GRIP1: variants seen among roughly 807,000 people sequenced by gnomAD.
GRIP1 encodes the protein glutamate receptor interacting protein 1.
A neutral mutation model predicts 129.9 loss-of-function variants in GRIP1; 45 were observed. The ratio of observed to expected loss-of-function variants is 0.35; its 90% CI spans 0.27 to 0.44. GRIP1 has a LOEUF of 0.44. Among genes scored for constraint, GRIP1 ranks in the 20% least tolerant of loss-of-function variants. GRIP1 has a pLI of 1.00. For synonymous variants in GRIP1, 530 were observed against 520.8 expected, an observed-to-expected ratio of 1.02 and a Z score of -0.24; for missense variants, 1,196 against 1,396.8, an observed-to-expected ratio of 0.86 and a Z score of 2.29.
chr12:66,801,811 T>C (rs1414606658), intron 1 of GRIP1, among the ~76,000 whole-genome samples: 4 of 152,144 alleles, frequency 2.6e-5, no homozygotes, highest in South Asian at 2.1e-4. Flanking sequence ...GGTTCATCAA[T>C]AGCATCATTA....
Position 66,456,278 on chromosome 12 carries a change from A to AATTC in GRIP1, c.1106_1107insGAAT (p.His370AsnfsTer8). The AATTC allele has an allele frequency of 7.8e-7, 1 of 1,289,476 alleles. No homozygotes were observed. Among genetic ancestry groups the AATTC allele is most frequent in the Non-Finnish European group, 1.0e-6 (1 of 988,350 alleles). 79.9% of individuals were successfully genotyped at this position (1,289,476 alleles called of 1,614,324 possible). On this transcript the variant is annotated frameshift_variant, in exon 10 of 25. Coordinates refer to ENST00000359742, the MANE Select transcript of GRIP1 (RefSeq NM_001366722.1). LOFTEE classifies it high-confidence loss of function. ...ACGTGTTATAGTGATGGTTGGTGTG[A>AATTC]AGGCTGCTGTGGTTGCTGGCCCAGG...
chr12:66,741,126 T>G (rs573612629), intron 1 of GRIP1, among the ~76,000 whole-genome samples: 3 of 152,204 alleles, frequency 2.0e-5, no homozygotes, highest in Non-Finnish European at 4.4e-5. Context: ...ATGCAACATC[T>G]ACTCCTACTA....
chr12:66,552,008 G>A (rs1349192215), intron 2 of GRIP1, among the ~76,000 whole-genome samples: 2 of 152,138 alleles, frequency 1.3e-5, no homozygotes, highest in Non-Finnish European at 2.9e-5. Context: ...GCAGCTGGGT[G>A]GATAAAAAGA....
intron 14 of GRIP1, among the ~76,000 whole-genome samples, chr12:66,428,502 C>A (rs2058053530): frequency 6.6e-6 from 1 of 152,134 alleles, no homozygotes; most frequent in Non-Finnish European, 1.5e-5. Context: ...ACTGTACTCA[C>A]AAAATACTGT....
At chr12:66,649,129 A>G (rs190093319) in intron 1 of GRIP1, among the ~76,000 whole-genome samples, 54 of 152,322 alleles carry the variant, frequency 3.5e-4, no homozygotes, top group African/African-American at 1.3e-3. Context: ...TCTTAACTGT[A>G]TATCAAATAA....
chr12:66,450,095 T>C (rs1331024050), intron 11 of GRIP1, among the ~76,000 whole-genome samples: 1 of 151,334 alleles, frequency 6.6e-6, no homozygotes, highest in East Asian at 1.9e-4. Flanking sequence ...GGTCAGGAAA[T>C]TGAGACCATC....
At chr12:66,524,837 A>G (rs1266414658) in intron 5 of GRIP1, among the ~76,000 whole-genome samples, 3 of 152,230 alleles carry the variant, frequency 2.0e-5, no homozygotes, top group Admixed American at 6.5e-5. Context: ...ATAAAAAATG[A>G]TAAAGGGGAT....
At chr12:66,562,878 T>C (rs2062589601) in intron 2 of GRIP1, among the ~76,000 whole-genome samples, 1 of 82,122 alleles carries the variant, frequency 1.2e-5, no homozygotes, top group Non-Finnish European at 2.4e-5. Flanking sequence ...TGATATACTA[T>C]ATTCTTATAA....
chr12:66,580,946 A>G (rs2063351461), intron 2 of GRIP1, among the ~76,000 whole-genome samples: 1 of 152,192 alleles, frequency 6.6e-6, no homozygotes, highest in Admixed American at 6.5e-5. Flanking sequence ...CCAAATCAAC[A>G]GAATATACAT....
At chr12:66,964,376 T>A (rs573952514) in intron 1 of GRIP1, among the ~76,000 whole-genome samples, 7 of 152,094 alleles carry the variant, frequency 4.6e-5, no homozygotes, top group Non-Finnish European at 4.4e-5. Context: ...AGATGTGTGA[T>A]GTGTGGGTGT....
intron 1 of GRIP1, among the ~76,000 whole-genome samples, chr12:66,720,091 G>A (rs2036014548): frequency 6.6e-6 from 1 of 152,116 alleles, no homozygotes; most frequent in Non-Finnish European, 1.5e-5. Context: ...AAAATAGGTA[G>A]ATACAGGCAT....
At chr12:66,539,038 G>C in intron 4 of GRIP1, 40 bp downstream of exon 4, 1 of 1,567,802 alleles carries the variant, frequency 6.4e-7, no homozygotes, top group Non-Finnish European at 8.8e-7. Context: ...GGGGGTCTTG[G>C]AATGTATCCC....
intron 23 of GRIP1, among the ~76,000 whole-genome samples, chr12:66,371,214 A>G (rs1026707292): frequency 6.9e-6 from 1 of 145,450 alleles, no homozygotes; most frequent in Non-Finnish European, 1.5e-5. Context: ...GCTGCAGTGC[A>G]GTGGCACAAT....
intron 1 of GRIP1, among the ~76,000 whole-genome samples, chr12:66,642,685 C>G (rs2032039701): frequency 6.6e-6 from 1 of 152,170 alleles, no homozygotes; most frequent in African/African-American, 2.4e-5. Flanking sequence ...CAAAGACTAA[C>G]ATTTGCAAAT....
intron 1 of GRIP1, among the ~76,000 whole-genome samples, chr12:66,614,128 T>G (rs4244066): frequency 1 from 152,084 of 152,084 alleles, 76,042 homozygotes; most frequent in Non-Finnish European, 1. Flanking sequence ...TATAAATAAG[T>G]ATATGCCCTA....
At chr12:66,545,922 A>G (rs2061934379) in intron 2 of GRIP1, among the ~76,000 whole-genome samples, 1 of 152,208 alleles carries the variant, frequency 6.6e-6, no homozygotes, top group African/African-American at 2.4e-5. Context: ...AAACTAAAAA[A>G]TGCTGTTGAA....
intron 24 of GRIP1, among the ~76,000 whole-genome samples, chr12:66,349,932 C>T (rs1043601599): frequency 5.3e-5 from 8 of 152,052 alleles, no homozygotes; most frequent in African/African-American, 2.4e-5. Context: ...ACCCACATGC[C>T]GGTTCTACTC....
chr12:66,887,892 TAAC>T (rs1308697598), intron 1 of GRIP1, among the ~76,000 whole-genome samples: 2 of 152,144 alleles, frequency 1.3e-5, no homozygotes, highest in Non-Finnish European at 2.9e-5. Flanking sequence ...TAAATTTAGA[TAAC>T]AATAGGCCCA....
At chr12:66,696,804 C>CAAAAAAAAAAAAAAAA (rs35445606) in intron 1 of GRIP1, among the ~76,000 whole-genome samples, 1 of 103,712 alleles carries the variant, frequency 9.6e-6, no homozygotes, top group African/African-American at 4.0e-5. Context: ...GACTCTGTCT[C>CAAAAAAAAAAAAAAAA]AAAAAAAAAA....
Sources: gnomAD v4.1 joint callset for allele counts (sites outside exome capture counted in the v4.1 genomes callset) on GRCh38, gnomAD v4.1.1 for gene constraint, MANE v1.5 for transcripts, NCBI Gene and HGNC (gene_info 2026-07-23, HGNC 2026-07-21) for gene names.